The following RFC3 variants were observed in gnomAD, a reference collection of about 807,000 sequenced individuals.
The protein encoded by RFC3 is replication factor C subunit 3.
RFC3 carries 41 observed loss-of-function variants against 45.1 expected under a neutral mutation model. The ratio of observed to expected loss-of-function variants is 0.91; its 90% CI spans 0.71 to 1.18. The LOEUF (loss-of-function observed/expected upper bound fraction) is 1.18. Ranked by LOEUF, RFC3 falls within the 50% of genes most tolerant of loss-of-function variation. RFC3 has a pLI of 0.00. For synonymous variants in RFC3, 149 were observed against 144.0 expected (o/e 1.03, Z -0.25); for missense variants, 423 against 428.1 (o/e 0.99, Z 0.10).
rs11342304 is a variant in RFC3, at chr13:33,953,324, T to TAA, written c.880-12744_880-12743dup. On this transcript the variant is annotated intron_variant, in intron 8 of 8. Coordinates refer to the RFC3 transcript ENST00000434425. Reference sequence around the variant, plus strand: ...CTCTTTGGAGTGTGGTGTTGCTCTTTAAAAAAAAAAAAAAAAAAAAGCCCA... The same window carrying TAA: ...CTCTTTGGAGTGTGGTGTTGCTCTTTAAAAAAAAAAAAAAAAAAAAAAGCCCA... Among the ~76,000 whole-genome samples, 69 of 105,502 alleles carry TAA rather than the reference T, an allele frequency of 6.5e-4. 1 individual carries two copies. Among genetic ancestry groups the TAA allele is most frequent in the African/African-American group, 2.3e-3 (65 of 27,836 alleles). The allele number at this position is 105,502 out of a possible 152,430, so 69.2% of individuals were successfully genotyped here.
chr13:33,862,071 C>T (rs540536949), intron 8 of RFC3, among the ~76,000 whole-genome samples: 1 of 152,308 alleles, frequency 6.6e-6, no homozygotes, highest in Non-Finnish European at 1.5e-5. Context: ...TTATTTAGTT[C>T]TATACGTCTC....
At position 33,925,395 on chromosome 13, in the gene RFC3, C is replaced by CAT. The variant is rs532997696; in HGVS notation, c.880-40690_880-40689dup. Among the ~76,000 whole-genome samples the CAT allele has an allele frequency of 1.4e-4, 16 of 115,724 alleles. 1 individual carries two copies. Among genetic ancestry groups the CAT allele is most frequent in the African/African-American group, 7.4e-4 (13 of 17,576 alleles). The allele number at this position is 115,724 out of a possible 152,430, so 75.9% of individuals were successfully genotyped here. ...ATACATATAGTGTACTATATACATA[C>CAT]ATAGTGTACTATATACATACATAGT... On this transcript the variant is annotated intron_variant, in intron 8 of 8. Coordinates refer to the RFC3 transcript ENST00000434425.
chr13:33,883,078 G>A (rs187572784), intron 8 of RFC3, among the ~76,000 whole-genome samples: 25 of 152,286 alleles, frequency 1.6e-4, no homozygotes, highest in African/African-American at 6.0e-4. Context: ...GTGAATATTT[G>A]TGCACAGGTT....
At chr13:33,821,360 AATGT>A in intron 2 of RFC3, 91 bp downstream of exon 2, 5 of 1,247,024 alleles carry the variant, frequency 4.0e-6, no homozygotes, top group Non-Finnish European at 5.7e-6. Flanking sequence ...GTTGCTTCCT[AATGT>A]ATGATTTAAA....
chr13:33,902,752 C>A (rs113601862), intron 8 of RFC3, among the ~76,000 whole-genome samples: 1 of 151,824 alleles, frequency 6.6e-6, no homozygotes, highest in Non-Finnish European at 1.5e-5. Context: ...ACTGACAGTC[C>A]GTTATCCACA....
intron 8 of RFC3, among the ~76,000 whole-genome samples, chr13:33,945,171 C>T (rs1385444248): frequency 6.6e-6 from 1 of 152,138 alleles, no homozygotes; most frequent in Non-Finnish European, 1.5e-5. Flanking sequence ...CATATTCTTT[C>T]ATACTATTAT....
At position 33,865,983 on chromosome 13, in the gene RFC3, C is replaced by T. The variant is rs1265410720; in HGVS notation, c.879+30766C>T. Among the ~76,000 whole-genome samples, 10 of 152,020 alleles carry T rather than the reference C, an allele frequency of 6.6e-5. No homozygotes were observed. The East Asian group carries it at 9.6e-4, about 15-fold the overall frequency. ...CTGAGGCAGGAGAATTGCTTGAACCCGGGAGGTGGAGGTTGCAGTGAGCCG... is the reference window on the plus strand; with the variant it reads ...CTGAGGCAGGAGAATTGCTTGAACCTGGGAGGTGGAGGTTGCAGTGAGCCG... On this transcript the variant is annotated intron_variant, in intron 8 of 8. Coordinates refer to the RFC3 transcript ENST00000434425.
chr13:33,951,730 G>A (rs1176253151), intron 8 of RFC3, among the ~76,000 whole-genome samples: 1 of 152,120 alleles, frequency 6.6e-6, no homozygotes, highest in African/African-American at 2.4e-5. Flanking sequence ...AACTCATACA[G>A]GTGTTTAATA....
At chr13:33,875,747 T>G (rs1378026839) in intron 8 of RFC3, among the ~76,000 whole-genome samples, 1 of 152,056 alleles carries the variant, frequency 6.6e-6, no homozygotes, top group African/African-American at 2.4e-5. Context: ...TAGGAGCCTC[T>G]CCTGGGGGTG....
intron 8 of RFC3, among the ~76,000 whole-genome samples, chr13:33,865,196 G>C (rs1280616313): frequency 3.3e-5 from 5 of 152,154 alleles, no homozygotes; most frequent in Non-Finnish European, 5.9e-5. Context: ...ACAGTGCACA[G>C]TAATCCTCCC....
In RFC3 at chr13:33,872,801, C is replaced by CCCG. The variant is rs556281426; in HGVS notation, c.879+37586_879+37587insGCC. ...AAAAGAAAGAAACCAAACCCCCCCC[C>CCCG]CCAAAATACATGGTAGGCACTCAGT... On this transcript the variant is annotated intron_variant, in intron 8 of 8. Coordinates refer to the RFC3 transcript ENST00000434425. Among the ~76,000 whole-genome samples, 34 of 142,528 alleles carry CCCG rather than the reference C, an allele frequency of 2.4e-4. 2 individuals carry two copies. Among genetic ancestry groups the CCCG allele is most frequent in the East Asian group, 2.0e-3 (9 of 4,574 alleles). The allele number at this position is 142,528 out of a possible 152,430, so 93.5% of individuals were successfully genotyped here. A position where few individuals can be genotyped will look rare whatever the true frequency, so the allele number is the denominator to read the frequency against.
chr13:33,855,490 C>A (rs949845359), intron 8 of RFC3, among the ~76,000 whole-genome samples: 5 of 152,074 alleles, frequency 3.3e-5, no homozygotes, highest in African/African-American at 1.2e-4. Flanking sequence ...TTGGTATATA[C>A]CAGTAATGGG....
At chr13:33,838,752 T>G (rs1295393272), downstream of RFC3, among the ~76,000 whole-genome samples, 1 of 152,162 alleles carries the variant, frequency 6.6e-6, no homozygotes, top group Admixed American at 6.6e-5. Context: ...TTTTGGCTGC[T>G]TTTTCTCCTG....
rs978435326 is a variant in RFC3 at position 33,950,088 on chromosome 13, C to T, written c.880-15999C>T. Among the ~76,000 whole-genome samples, 3 of 151,620 alleles carry T rather than the reference C, an allele frequency of 2.0e-5. No individual in the cohort carries two copies. The East Asian group carries it at 5.8e-4, about 29-fold the overall frequency. On this transcript the variant is annotated intron_variant, in intron 8 of 8. Transcript: ENST00000434425. ...CTCTCGCTCTACACACACACACACA[C>T]ACACACACACACACACACCCCGTTA... is the stretch of plus-strand genomic sequence containing the variant.
At chr13:33,831,110 A>G in intron 6 of RFC3, 146 bp from the exon 7 acceptor site, 1 of 628,036 alleles carries the variant, frequency 1.6e-6, no homozygotes, top group East Asian at 2.8e-5. Context: ...AGGAGGTGGA[A>G]CTCAGGCCAT....
intron 8 of RFC3, among the ~76,000 whole-genome samples, chr13:33,926,686 C>T (rs1024370998): frequency 2.6e-5 from 4 of 151,372 alleles, no homozygotes; most frequent in African/African-American, 9.7e-5. Flanking sequence ...TTGTGGTACT[C>T]TATAGTCACC....
At chr13:33,947,567 T>C (rs2082961984) in intron 8 of RFC3, among the ~76,000 whole-genome samples, 2 of 152,080 alleles carry the variant, frequency 1.3e-5, no homozygotes, top group African/African-American at 4.8e-5. Flanking sequence ...TGGAACAGTT[T>C]AGAAGGCTCA....
intron 8 of RFC3, among the ~76,000 whole-genome samples, chr13:33,935,879 G>A (rs2082883041): frequency 6.6e-6 from 1 of 152,172 alleles, no homozygotes; most frequent in South Asian, 2.1e-4. Context: ...AATTATGTTA[G>A]AATGACCTGG....
chr13:33,871,182 C>G (rs2082404961), intron 8 of RFC3, among the ~76,000 whole-genome samples: 1 of 152,170 alleles, frequency 6.6e-6, no homozygotes, highest in African/African-American at 2.4e-5. Flanking sequence ...CAGCTTCGTA[C>G]TTGTATTAGT....
Sources: gnomAD v4.1 joint callset for allele counts (sites outside exome capture counted in the v4.1 genomes callset) on GRCh38, gnomAD v4.1.1 for gene constraint, MANE v1.5 for transcripts, NCBI Gene and HGNC (gene_info 2026-07-23, HGNC 2026-07-21) for gene names.